Variants in GRAMD1C observed in about 807,000 individuals in gnomAD.
GRAMD1C encodes protein Aster-C.
A neutral mutation model predicts 97.8 loss-of-function variants in GRAMD1C; 89 were observed. That is an observed-to-expected ratio of 0.91 (90% CI 0.77 to 1.09). The LOEUF (loss-of-function observed/expected upper bound fraction) is 1.09, where lower values mean the gene tolerates loss of function less well. Among genes scored for constraint, GRAMD1C ranks in the 50% least tolerant of loss-of-function variants. The pLI, the probability that GRAMD1C is intolerant of heterozygous loss-of-function variation, is 0.00. For missense variants in GRAMD1C, 740 were observed against 766.4 expected (o/e 0.97, Z 0.41); for synonymous variants, 256 against 267.0 (o/e 0.96, Z 0.40).
In GRAMD1C at chr3:113,904,201, A is replaced by G. The variant is rs764420275; in HGVS notation, c.718A>G (p.Ile240Val). ...GAGAGATGAAAAATTATCCAAGTCA[A>G]TCAGTTTTACCAGTGAATCAATTAG... ...GERDEKLSKS[I>V]SFTSESISRV... is the part of the protein sequence containing the mutation. The change falls in exon 8 of 18, where the codon ATC becomes GTC. Residue 240 changes from isoleucine (I) to valine (V), a missense_variant. By Grantham distance (29) the Ile-to-Val change is conservative (BLOSUM62 3). Coordinates refer to ENST00000358160, the MANE Select transcript of GRAMD1C (RefSeq NM_017577.5). 3.7e-6 allele frequency: 6 copies of G among 1,608,268 alleles called. No individual in the cohort carries two copies. Among genetic ancestry groups the G allele is most frequent in the African/African-American group, 1.3e-5 (1 of 74,942 alleles).
At chr3:113,911,882 C>G (rs971322147) in intron 9 of GRAMD1C, among the ~76,000 whole-genome samples, 1 of 152,062 alleles carries the variant, frequency 6.6e-6, no homozygotes, top group Non-Finnish European at 1.5e-5. Context: ...TGCCCACCAC[C>G]ATGCCCAGCT....
chr3:113,852,028 C>T (rs548163071), intron 2 of GRAMD1C, among the ~76,000 whole-genome samples: 12 of 152,206 alleles, frequency 7.9e-5, no homozygotes, highest in African/African-American at 2.4e-4. Context: ...ACCACCACTC[C>T]CGGCCTATTC....
At chr3:113,836,895 C>A (rs1175719389), upstream of GRAMD1C, among the ~76,000 whole-genome samples, 4 of 152,134 alleles carry the variant, frequency 2.6e-5, no homozygotes, top group Admixed American at 2.6e-4. Context: ...CCTCCCACCT[C>A]AGCCTCCCAA....
chr3:113,937,168 A>C (rs1200774122), intron 14 of GRAMD1C, among the ~76,000 whole-genome samples: 1 of 152,214 alleles, frequency 6.6e-6, no homozygotes, highest in African/African-American at 2.4e-5. Flanking sequence ...TATTATCTTC[A>C]TTCTCAATTT....
At position 113,915,746 on chromosome 3, in the gene GRAMD1C, G is replaced by A. The variant is rs550686355; in HGVS notation, c.998G>A (p.Arg333His). ...KDLHGRLFIN[R>H]IFHISADRMF... Reference sequence around the variant, plus strand: ...CTTCATGGAAGACTTTTTATCAACCGTATTTTTCATATCAGTGCTGACAGA... The same window carrying A: ...CTTCATGGAAGACTTTTTATCAACCATATTTTTCATATCAGTGCTGACAGA... Residue 333 changes from arginine (R) to histidine (H), a missense_variant, in exon 10 of 18, where the codon CGT becomes CAT. Physicochemically the swap from Arg to His is conservative, Grantham distance 29 (BLOSUM62 0). Coordinates refer to ENST00000358160, the MANE Select transcript of GRAMD1C (RefSeq NM_017577.5). The A allele has an allele frequency of 4.9e-5, 79 of 1,608,396 alleles. No individual in the cohort carries two copies. Among genetic ancestry groups the A allele is most frequent in the Non-Finnish European group, 6.4e-5 (75 of 1,175,392 alleles).
Position 113,938,122 on chromosome 3 carries a change from T to A in GRAMD1C, c.1670T>A (p.Leu557His). 1 of 1,528,758 alleles carries A rather than the reference T, an allele frequency of 6.5e-7. No homozygotes were observed. The allele number at this position is 1,528,758 out of a possible 1,614,324, so 94.7% of individuals were successfully genotyped here. ...KKEMENYNVT[L>H]IVVMSIFVLL... ...GAAATGGAAAACTATAACGTCACTC[T>A]TATTGTGGTAATGAGTATTTTGTAA... The change falls in exon 15 of 18, where the codon CTT becomes CAT. Residue 557 changes from leucine to histidine, a missense_variant. Coordinates refer to ENST00000358160, the MANE Select transcript of GRAMD1C (RefSeq NM_017577.5).
At position 113,940,001 on chromosome 3, in the gene GRAMD1C, G is replaced by A. The variant is rs1937693882; in HGVS notation, c.1802+5G>A. On this transcript the variant is annotated splice_donor_5th_base_variant and intron_variant, in intron 16 of 17. Coordinates refer to ENST00000358160, the MANE Select transcript of GRAMD1C (RefSeq NM_017577.5). ...CCAAGAAGAGAAATCTTTAAAGTAA[G>A]TCTTTTTCCCCCTGACCTGTATTCA... 1 of 1,437,992 alleles carries A rather than the reference G, an allele frequency of 7.0e-7. No individual in the cohort carries two copies. Among genetic ancestry groups the A allele is most frequent in the Non-Finnish European group, 9.8e-7 (1 of 1,019,474 alleles). 89.1% of individuals were successfully genotyped at this position (1,437,992 alleles called of 1,614,324 possible).
chr3:113,875,392 G>T lies in GRAMD1C; in HGVS notation c.260-92G>T, dbSNP rs544195694. ...GAATGAATGAACTAATGAACAAAAA[G>T]TGATGACTTTCCATCTGTTGAAATA... On this transcript the variant is annotated intron_variant, in intron 3 of 17. Coordinates refer to ENST00000358160, the MANE Select transcript of GRAMD1C (RefSeq NM_017577.5). The T allele has an allele frequency of 5.9e-6, 4 of 673,770 alleles. No individual in the cohort carries two copies. In the South Asian group the frequency reaches 7.2e-5, roughly 12 times the overall value. 41.7% of individuals were successfully genotyped at this position (673,770 alleles called of 1,614,324 possible). A position where few individuals can be genotyped will look rare whatever the true frequency, so the allele number is the denominator to read the frequency against.
Position 113,908,996 on chromosome 3 carries a change from CA to C in GRAMD1C, c.833del (p.Lys278ArgfsTer11). The C allele has an allele frequency of 6.3e-7, 1 of 1,575,580 alleles. No individual in the cohort carries two copies. The highest frequency in any genetic ancestry group is 8.6e-7 in the Non-Finnish European group (1 of 1,164,858). On this transcript the variant is annotated frameshift_variant, in exon 9 of 18. Transcript: ENST00000358160. LOFTEE classifies it high-confidence loss of function. ...AGGAGTCCCAAAATGAGAAACAGAC[CA>C]AAAAGAGTCTCTTACCAACTTTGGA... The part of the protein sequence containing the change: ...KEESQNEKQT[K>X]KSLLPTLEKK...
rs748647511 is a variant in GRAMD1C, at chr3:113,856,685, G to A, written c.174+12036G>A. Reference sequence around the variant, plus strand: ...CTCCTGAGTAGCTGGGATTACAGGCGCGTGCCACCATGCCTGGCTAATTTT... The same window carrying A: ...CTCCTGAGTAGCTGGGATTACAGGCACGTGCCACCATGCCTGGCTAATTTT... On this transcript the variant is annotated intron_variant, in intron 2 of 17. Coordinates refer to ENST00000358160, the MANE Select transcript of GRAMD1C (RefSeq NM_017577.5). 2.6e-3 allele frequency among the ~76,000 whole-genome samples: 396 copies of A among 151,726 alleles called. 2 individuals carry two copies. Among genetic ancestry groups the A allele is most frequent in the Non-Finnish European group, 5.0e-3 (339 of 67,948 alleles).
At chr3:113,909,532 G>C (rs191641408) in intron 9 of GRAMD1C, among the ~76,000 whole-genome samples, 27 of 152,264 alleles carry the variant, frequency 1.8e-4, no homozygotes, top group Admixed American at 9.8e-4. Context: ...TAACTATGCA[G>C]AACTTGAGTT....
At chr3:113,908,887 A>T (rs540233272) in intron 8 of GRAMD1C, 71 bp from the exon 9 acceptor site, 1 of 809,974 alleles carries the variant, frequency 1.2e-6, no homozygotes, top group East Asian at 3.0e-5. Context: ...TATCTTTAAT[A>T]TTAAAGTTCT....
At chr3:113,857,165 A>T (rs1282465933) in intron 2 of GRAMD1C, among the ~76,000 whole-genome samples, 1 of 121,840 alleles carries the variant, frequency 8.2e-6, no homozygotes, top group Non-Finnish European at 1.8e-5. Flanking sequence ...TCCTTAAAAA[A>T]AACAAACAAA....
At chr3:113,848,268 A>G (rs1384701169) in intron 2 of GRAMD1C, among the ~76,000 whole-genome samples, 1 of 152,206 alleles carries the variant, frequency 6.6e-6, no homozygotes, top group Non-Finnish European at 1.5e-5. Flanking sequence ...TACCTCACCT[A>G]TAAAATTAGA....
At chr3:113,833,645 C>T (rs553345496) in intron 1 of GRAMD1C, among the ~76,000 whole-genome samples, 1 of 152,252 alleles carries the variant, frequency 6.6e-6, no homozygotes, top group African/African-American at 2.4e-5. Flanking sequence ...TCTGATACTA[C>T]GAATCAGTAC....
At chr3:113,903,206 C>T (rs755265284) in intron 7 of GRAMD1C, among the ~76,000 whole-genome samples, 13 of 151,668 alleles carry the variant, frequency 8.6e-5, no homozygotes, top group Admixed American at 2.6e-4. Flanking sequence ...ATCTCTTGAC[C>T]TCATGATCAG....
chr3:113,833,981 T>A (rs1302560674), upstream of GRAMD1C, among the ~76,000 whole-genome samples: 3 of 152,220 alleles, frequency 2.0e-5, no homozygotes, highest in Admixed American at 1.3e-4. Flanking sequence ...TGTCATTTAT[T>A]TAACCAGTCC....
chr3:113,848,066 T>C (rs1218892793), intron 2 of GRAMD1C, among the ~76,000 whole-genome samples: 3 of 152,238 alleles, frequency 2.0e-5, no homozygotes, highest in African/African-American at 4.8e-5. Context: ...AGTTCACTAA[T>C]GTAGAATAAT....
chr3:113,919,491 T>C, intron 10 of GRAMD1C: 1 of 530,400 alleles, frequency 1.9e-6, no homozygotes, highest in Non-Finnish European at 3.8e-6. Flanking sequence ...TTTATAAACC[T>C]AATGAAAGAA....
Sources: gnomAD v4.1 joint callset for allele counts (sites outside exome capture counted in the v4.1 genomes callset) on GRCh38, gnomAD v4.1.1 for gene constraint, MANE v1.5 for transcripts, NCBI Gene and HGNC (gene_info 2026-07-23, HGNC 2026-07-21) for gene names.